Variants in AGXT observed in about 807,000 individuals in gnomAD.
AGXT encodes L-alanine: glyoxylate aminotransferase 1.
Under a neutral mutation model 46.9 loss-of-function variants are expected in AGXT, and 41 were observed. The observed-to-expected ratio is 0.88, with a 90% CI of 0.68 to 1.14. The LOEUF (loss-of-function observed/expected upper bound fraction) is 1.14, where lower values mean the gene tolerates loss of function less well. AGXT is among the 50% of genes most tolerant of loss of function. The pLI is 0.00. For synonymous variants in AGXT, 244 were observed against 227.9 expected (o/e 1.07, Z -0.64); for missense variants, 525 against 522.7 (o/e 1.00, Z -0.04).
In AGXT at chr2:240,869,040, G is replaced by T; in HGVS notation, c.165+10G>T. The T allele has an allele frequency of 7.7e-7, 1 of 1,307,130 alleles. No individual in the cohort carries two copies. Among genetic ancestry groups the T allele is most frequent in the Non-Finnish European group, 1.0e-6 (1 of 956,004 alleles). 81.0% of individuals were successfully genotyped at this position (1,307,130 alleles called of 1,614,324 possible). On this transcript the variant is annotated intron_variant, in intron 1 of 10. Coordinates refer to ENST00000307503, the MANE Select transcript of AGXT (RefSeq NM_000030.3). ...CAAGGATATGTACCAGGTAGGAGTG[G>T]GGGTCACTCGGGGGGCCTGGGTCTC...
Position 240,875,957 on chromosome 2 carries a change from A to AATC in AGXT, c.799_800insATC (p.Ile267delinsAsnLeu). 6.2e-7 allele frequency: 1 copy of AATC among 1,614,182 alleles called. No individual in the cohort carries two copies. Among genetic ancestry groups the AATC allele is most frequent in the South Asian group, 1.1e-5 (1 of 91,078 alleles). ...CAGGTACCATCACACAATCCCCGTC[A>AATC]TCAGCCTGTACAGCCTGAGAGAGAG... is the stretch of plus-strand genomic sequence containing the variant. On this transcript the variant is annotated protein_altering_variant, in exon 8 of 11. Coordinates refer to ENST00000307503, the MANE Select transcript of AGXT (RefSeq NM_000030.3).
intron 5 of AGXT, 112 bp downstream of exon 5, chr2:240,873,161 A>G (rs1052936178): frequency 2.7e-5 from 25 of 915,184 alleles, no homozygotes; most frequent in Non-Finnish European, 3.7e-5. Flanking sequence ...ATTCGGCCCC[A>G]TCTCCACCAG....
chr2:240,870,566 C>T, intron 2 of AGXT, 78 bp from the exon 3 acceptor site: 1 of 1,498,578 alleles, frequency 6.7e-7, no homozygotes, highest in Non-Finnish European at 9.1e-7. Flanking sequence ...GGGCCCTGCT[C>T]AGCAGGGCCA....
intron 5 of AGXT, 165 bp downstream of exon 5, chr2:240,873,214 C>T: frequency 1.6e-6 from 1 of 629,642 alleles, no homozygotes; most frequent in Admixed American, 2.6e-5. Context: ...AGAGCGGCTC[C>T]ATGAACTACC....
intron 4 of AGXT, 108 bp from the exon 5 acceptor site, chr2:240,872,871 C>A: frequency 2.0e-6 from 2 of 976,828 alleles, no homozygotes; most frequent in Admixed American, 1.7e-5. Context: ...AGGTGCCCTG[C>A]CTTCCTTGCC....
intron 5 of AGXT, 183 bp downstream of exon 5, chr2:240,873,232 CCA>C: frequency 1.7e-6 from 1 of 594,924 alleles, no homozygotes; most frequent in South Asian, 2.0e-5. Flanking sequence ...ACCCAGCACC[CCA>C]GTGTTTCCAC....
At chr2:240,877,232 A>C (rs1241730662) in intron 8 of AGXT, 1 of 567,428 alleles carries the variant, frequency 1.8e-6, no homozygotes, top group Non-Finnish European at 3.3e-6. Context: ...GTAGCCCAAC[A>C]GCCCTTCCCC....
chr2:240,877,074 AG>A, intron 8 of AGXT: 1 of 283,892 alleles, frequency 3.5e-6, no homozygotes, highest in South Asian at 3.4e-5. Flanking sequence ...TGAGGGGCCC[AG>A]GGCTGGAGAG....
Position 240,871,496 on chromosome 2 carries a change from G to C in AGXT, c.524+47G>C, listed in dbSNP as rs567006601. On this transcript the variant is annotated intron_variant, in intron 4 of 10. Coordinates refer to ENST00000307503, the MANE Select transcript of AGXT (RefSeq NM_000030.3). ...TGGACTGGAGCACAGCTCAGAGCCAGGCTATGGGGAGGGGTGGGCACTGGT... is the reference window on the plus strand; with the variant it reads ...TGGACTGGAGCACAGCTCAGAGCCACGCTATGGGGAGGGGTGGGCACTGGT... 2.1e-4 allele frequency: 322 copies of C among 1,518,068 alleles called. 3 individuals are homozygous for C. Among genetic ancestry groups the C allele is most frequent in the East Asian group, 3.7e-4 (15 of 41,000 alleles). 94.0% of individuals were successfully genotyped at this position (1,518,068 alleles called of 1,614,324 possible).
chr2:240,871,604 C>T (rs935615488), intron 4 of AGXT, among the ~76,000 whole-genome samples, 155 bp downstream of exon 4: 3 of 152,188 alleles, frequency 2.0e-5, no homozygotes, highest in African/African-American at 7.2e-5. Context: ...GTCCTCTTTG[C>T]TCTGGGCTGA....
Position 240,879,319 on chromosome 2 carries a change from AC to A in AGXT, c.*499del. On this transcript the variant is annotated 3_prime_UTR_variant, in exon 11 of 11. Coordinates refer to ENST00000307503, the MANE Select transcript of AGXT (RefSeq NM_000030.3). ...ACGCACCACATCCAGGTGAACCCAC[AC>A]GGCGCACAGGGCTGGTTGGAGACCC... The A allele has an allele frequency of 5.0e-6, 1 of 200,620 alleles. No individual in the cohort carries two copies. The highest frequency in any genetic ancestry group is 5.6e-5 in the Admixed American group (1 of 17,806). 12.4% of individuals were successfully genotyped at this position (200,620 alleles called of 1,614,324 possible).
intron 8 of AGXT, 181 bp from the exon 9 acceptor site, chr2:240,877,356 A>G (rs1159264604): frequency 1.4e-6 from 1 of 705,130 alleles, no homozygotes; most frequent in South Asian, 1.5e-5. Flanking sequence ...CCAGACCCAG[A>G]TGTTTCCTTC....
intron 2 of AGXT, among the ~76,000 whole-genome samples, chr2:240,869,643 C>A (rs766678609): frequency 1.3e-5 from 2 of 152,192 alleles, no homozygotes; most frequent in Non-Finnish European, 2.9e-5. Context: ...TACAGGGAAG[C>A]CTCTGGTCCC....
chr2:240,873,113 C>G (rs1035293527), intron 5 of AGXT, 64 bp downstream of exon 5: 2 of 1,435,512 alleles, frequency 1.4e-6, no homozygotes, highest in African/African-American at 1.4e-5. Flanking sequence ...GTGCAGGAAG[C>G]CCTGCTGGAA....
At chr2:240,878,356 G>A (rs1008049544) in intron 10 of AGXT, among the ~76,000 whole-genome samples, 8 of 152,320 alleles carry the variant, frequency 5.3e-5, no homozygotes, top group African/African-American at 1.9e-4. Context: ...GAGGTCACCA[G>A]GTGCAGCCTT....
chr2:240,875,455 C>T lies in AGXT; in HGVS notation c.776+251C>T, dbSNP rs542115510. On this transcript the variant is annotated intron_variant, in intron 7 of 10. Coordinates refer to ENST00000307503, the MANE Select transcript of AGXT (RefSeq NM_000030.3). ...TGCCGCTTCCACAAACACTGTCCCC[C>T]CAGAGGTCCCAGCACACCCTCGGGC... Among the ~76,000 whole-genome samples the T allele has an allele frequency of 4.6e-5, 7 of 152,336 alleles. No homozygotes were observed. The East Asian group carries it at 5.8e-4, about 13-fold the overall frequency.
At position 240,878,042 on chromosome 2, in the gene AGXT, C is replaced by T; in HGVS notation, c.963C>T (p.Val321=). The change falls in exon 10 of 11, where the codon GTC becomes GTT. Residue 321 remains valine, a synonymous_variant. Coordinates refer to ENST00000307503, the MANE Select transcript of AGXT (RefSeq NM_000030.3). ...TGCAGGCGCTCCGGCTTCCCACAGT[C>T]ACCACTGTGGCTGTACCCGCTGGCT... The part of the protein sequence containing the change: ...VKDPALRLPT[V]TTVAVPAGYD... 1 of 1,612,762 alleles carries T rather than the reference C, an allele frequency of 6.2e-7. No homozygotes were observed. The highest frequency in any genetic ancestry group is 8.5e-7 in the Non-Finnish European group (1 of 1,180,012).
intron 1 of AGXT, 58 bp downstream of exon 1, chr2:240,869,088 C>T (rs1464847221): frequency 7.4e-6 from 12 of 1,611,452 alleles, no homozygotes; most frequent in Middle Eastern, 1.6e-4. Flanking sequence ...ACCCACAGAT[C>T]GTGGACGAGG....
In AGXT at chr2:240,878,108, C is replaced by A; in HGVS notation, c.1029C>A (p.Phe343Leu). The change falls in exon 10 of 11, where the codon TTC becomes TTA. Residue 343 changes from phenylalanine to leucine, a missense_variant. Phe to Leu is a conservative substitution (Grantham distance 22, BLOSUM62 0). Coordinates refer to ENST00000307503, the MANE Select transcript of AGXT (RefSeq NM_000030.3). Reference sequence around the variant, plus strand: ...TCGTCAGCTACGTCATAGACCACTTCGACATTGAGATCATGGGTGGCCTTG... The same window carrying A: ...TCGTCAGCTACGTCATAGACCACTTAGACATTGAGATCATGGGTGGCCTTG... ...RDIVSYVIDH[F>L]DIEIMGGLGP... The A allele has an allele frequency of 1.2e-6, 2 of 1,613,324 alleles. No homozygotes were observed. The highest frequency in any genetic ancestry group is 2.2e-5 in the South Asian group (2 of 91,076).
Sources: gnomAD v4.1 joint callset for allele counts (sites outside exome capture counted in the v4.1 genomes callset) on GRCh38, gnomAD v4.1.1 for gene constraint, MANE v1.5 for transcripts, NCBI Gene and HGNC (gene_info 2026-07-23, HGNC 2026-07-21) for gene names.